ERBIN: variants seen among roughly 807,000 people sequenced by gnomAD.
The protein encoded by ERBIN is densin-180-like protein.
Under a neutral mutation model 158.4 loss-of-function variants are expected in ERBIN, and 60 were observed. The ratio of observed to expected loss-of-function variants is 0.38; its 90% confidence interval spans 0.31 to 0.47. The LOEUF is 0.47. Among genes scored for constraint, ERBIN ranks in the 20% least tolerant of loss-of-function variants. ERBIN has a pLI of 0.99. For missense variants in ERBIN, 1,610 were observed against 1,648.0 expected (o/e 0.98, Z 0.40); for synonymous variants, 594 against 557.2 (o/e 1.07, Z -0.93).
chr5:66,026,176 AAGTCT>A (rs1388926935), intron 12 of ERBIN, 121 bp from the exon 13 acceptor site: 2 of 697,096 alleles, frequency 2.9e-6, no homozygotes, highest in Admixed American at 7.5e-5. Context: ...ATTAAAAAGA[AAGTCT>A]AGTCATTATT....
rs554279891 is a variant in ERBIN at position 65,969,415 on chromosome 5, C to T, written c.-57-19220C>T. Among the ~76,000 whole-genome samples, 14 of 152,204 alleles carry T rather than the reference C, an allele frequency of 9.2e-5. 1 individual carries two copies. The highest frequency in any genetic ancestry group is 2.6e-4 in the African/African-American group (11 of 41,528). On this transcript the variant is annotated intron_variant, in intron 1 of 25. Transcript: ENST00000284037. ...TCAATATGGCTTTGTGTTGGACATT[C>T]GTAGTTTCTTAGAACAGCTAACGAA...
chr5:66,028,226 ATCT>A (rs769323361), intron 13 of ERBIN, 45 bp from the exon 14 acceptor site: 1 of 1,420,282 alleles, frequency 7.0e-7, no homozygotes, highest in Non-Finnish European at 9.8e-7. Flanking sequence ...TTCATTTTAA[ATCT>A]TCTCATTTTA....
chr5:66,019,642 G>T (rs1361972966), intron 7 of ERBIN, among the ~76,000 whole-genome samples: 1 of 152,044 alleles, frequency 6.6e-6, no homozygotes, highest in Non-Finnish European at 1.5e-5. Flanking sequence ...TGACATGACA[G>T]TATATTTTCT....
At chr5:66,058,091 A>G (rs1207636849) in intron 21 of ERBIN, among the ~76,000 whole-genome samples, 1 of 152,016 alleles carries the variant, frequency 6.6e-6, no homozygotes, top group African/African-American at 2.4e-5. Flanking sequence ...CTAGTTCTAG[A>G]TCCCTGAGGA....
chr5:65,957,570 A>C (rs1230963550), intron 1 of ERBIN, among the ~76,000 whole-genome samples: 1 of 152,156 alleles, frequency 6.6e-6, no homozygotes, highest in African/African-American at 2.4e-5. Context: ...AGGCAGAAGA[A>C]TTTTTCTTAG....
At chr5:65,964,042 G>A (rs1320244025) in intron 1 of ERBIN, among the ~76,000 whole-genome samples, 1 of 152,028 alleles carries the variant, frequency 6.6e-6, no homozygotes, top group African/African-American at 2.4e-5. Flanking sequence ...ATTGTGATCT[G>A]CCTGCATCGG....
At chr5:66,076,976 T>C (rs77361490) in intron 25 of ERBIN, 27 bp downstream of exon 25, 3 of 1,442,804 alleles carry the variant, frequency 2.1e-6, no homozygotes, top group Non-Finnish European at 2.9e-6. Context: ...TTTTTTTTTT[T>C]CATTTTATAA....
chr5:65,938,280 T>G (rs1417009754), intron 1 of ERBIN, among the ~76,000 whole-genome samples: 1 of 152,162 alleles, frequency 6.6e-6, no homozygotes, highest in East Asian at 1.9e-4. Context: ...TCTACTATAG[T>G]GATGACTTTT....
chr5:66,010,644 A>C (rs1284907011), intron 4 of ERBIN, among the ~76,000 whole-genome samples: 2 of 151,586 alleles, frequency 1.3e-5, no homozygotes, highest in African/African-American at 4.9e-5. Flanking sequence ...TATTGTGGTA[A>C]AGTTGTTTAC....
intron 7 of ERBIN, among the ~76,000 whole-genome samples, chr5:66,015,181 T>A (rs573493826): frequency 2.6e-5 from 4 of 152,070 alleles, no homozygotes; most frequent in African/African-American, 9.6e-5. Flanking sequence ...AATGATAAGC[T>A]AACAACAAGA....
At chr5:66,014,529 G>A (rs1754517288) in intron 6 of ERBIN, 140 bp from the exon 7 acceptor site, 1 of 468,468 alleles carries the variant, frequency 2.1e-6, no homozygotes, top group Non-Finnish European at 3.8e-6. Flanking sequence ...TGTATTTTAT[G>A]TTCTGTAATT....
intron 21 of ERBIN, among the ~76,000 whole-genome samples, chr5:66,059,018 A>G (rs1395859834): frequency 6.6e-6 from 1 of 152,046 alleles, no homozygotes; most frequent in Non-Finnish European, 1.5e-5. Flanking sequence ...TTGGCAATGC[A>G]GGCTCTTTTT....
At chr5:65,977,064 A>C (rs1420597254) in intron 1 of ERBIN, among the ~76,000 whole-genome samples, 1 of 151,974 alleles carries the variant, frequency 6.6e-6, no homozygotes. Flanking sequence ...GGCCGGGCAG[A>C]GGGGCTCCTC....
In ERBIN at chr5:66,076,387, C is replaced by T. The variant is rs757097258; in HGVS notation, c.4035C>T (p.Asn1345=). ...CAGGTGGTGTCGGGGGTAGAGGAAA[C>T]CCATTCAGACCTGATGATGATGTAA... ...SISGGVGGRG[N]PFRPDDDGIF... The change falls in exon 24 of 26, where the codon AAC becomes AAT. Residue 1345 remains asparagine, a synonymous_variant. Coordinates refer to ENST00000284037, the MANE Select transcript of ERBIN (RefSeq NM_001253697.2). 4 of 1,612,004 alleles carry T rather than the reference C, an allele frequency of 2.5e-6. No individual in the cohort carries two copies. The Admixed American group carries it at 6.7e-5, about 27-fold the overall frequency.
At chr5:66,014,322 G>A (rs1013798548) in intron 6 of ERBIN, among the ~76,000 whole-genome samples, 2 of 152,210 alleles carry the variant, frequency 1.3e-5, no homozygotes, top group Admixed American at 6.5e-5. Context: ...TCTTCTCAGA[G>A]CAGCACTTTA....
intron 4 of ERBIN, among the ~76,000 whole-genome samples, chr5:66,008,325 A>G (rs1390194560): frequency 6.6e-6 from 1 of 152,152 alleles, no homozygotes; most frequent in Non-Finnish European, 1.5e-5. Flanking sequence ...AGGCTGAGGC[A>G]GGAGAATGGT....
At chr5:66,066,761 G>A (rs752927245) in intron 21 of ERBIN, among the ~76,000 whole-genome samples, 6 of 152,082 alleles carry the variant, frequency 3.9e-5, no homozygotes, top group Non-Finnish European at 8.8e-5. Context: ...ACGTTCACTC[G>A]TTATTATACA....
At chr5:66,025,433 C>A in intron 10 of ERBIN, 47 bp from the exon 11 acceptor site, 1 of 1,417,374 alleles carries the variant, frequency 7.1e-7, no homozygotes, top group Non-Finnish European at 1.0e-6. Context: ...GGTGGACTTG[C>A]TTCTATTTTA....
At chr5:66,045,857 A>T (rs1038778047) in intron 17 of ERBIN, among the ~76,000 whole-genome samples, 2 of 152,216 alleles carry the variant, frequency 1.3e-5, no homozygotes, top group African/African-American at 2.4e-5. Context: ...CTCATTTTAA[A>T]TGTAATTGCA....
Sources: gnomAD v4.1 joint callset for allele counts (sites outside exome capture counted in the v4.1 genomes callset) on GRCh38, gnomAD v4.1.1 for gene constraint, MANE v1.5 for transcripts, NCBI Gene and HGNC (gene_info 2026-07-23, HGNC 2026-07-21) for gene names.